Variants in GRK5 observed in about 807,000 individuals in gnomAD.
The protein encoded by GRK5 is G protein-coupled receptor kinase 5, also known as g protein-coupled receptor kinase GRK5.
Under a neutral mutation model 78.4 loss-of-function variants are expected in GRK5, and 40 were observed. The ratio of observed to expected loss-of-function variants is 0.51; its 90% CI spans 0.40 to 0.66. The LOEUF (loss-of-function observed/expected upper bound fraction) is 0.66. Among genes scored for constraint, GRK5 ranks in the 30% least tolerant of loss-of-function variants. The probability of loss-of-function intolerance (pLI) is 0.00; values close to 1 mark genes in which losing one functional copy is unlikely to be tolerated. For missense variants in GRK5, 598 were observed against 759.9 expected, an observed-to-expected ratio of 0.79 and a Z score of 2.50; for synonymous variants, 289 against 296.8, an observed-to-expected ratio of 0.97 and a Z score of 0.27.
rs541091530 is a variant in GRK5 at position 119,351,598 on chromosome 10, A to G, written c.148+24987A>G. On this transcript the variant is annotated intron_variant, in intron 2 of 15. Coordinates refer to ENST00000392870, the MANE Select transcript of GRK5 (RefSeq NM_005308.3). The stretch of plus-strand genomic sequence containing the variant: ...TTAAACCTCTTTTTCCTTATAAATT[A>G]CCCAGTCTCGGGTATGTCTTTATCA... Among the ~76,000 whole-genome samples, 5 of 152,172 alleles carry G rather than the reference A, an allele frequency of 3.3e-5. No individual in the cohort carries two copies. The South Asian group carries it at 1.0e-3, about 32-fold the overall frequency.
chr10:119,291,722 C>A (rs540310848), intron 1 of GRK5, among the ~76,000 whole-genome samples: 27 of 150,320 alleles, frequency 1.8e-4, no homozygotes, highest in Non-Finnish European at 3.7e-4. Flanking sequence ...TTATCCTCAT[C>A]CTCCTCCTTC....
At chr10:119,394,115 G>T (rs111068422) in intron 3 of GRK5, among the ~76,000 whole-genome samples, 9,825 of 132,688 alleles carry the variant, frequency 0.074, 439 homozygotes, top group East Asian at 0.23. Context: ...CTGTGTGGGG[G>T]GTGTGTGTGT....
intron 6 of GRK5, among the ~76,000 whole-genome samples, chr10:119,427,731 C>G (rs997721683): frequency 1.5e-5 from 2 of 135,322 alleles, no homozygotes; most frequent in Non-Finnish European, 3.0e-5. Context: ...TCACCACCAT[C>G]GTCAACATCA....
intron 2 of GRK5, among the ~76,000 whole-genome samples, chr10:119,363,898 T>A (rs1851403679): frequency 6.6e-6 from 1 of 152,198 alleles, no homozygotes; most frequent in Non-Finnish European, 1.5e-5. Flanking sequence ...GATGAACAGC[T>A]ATTGGGTGAC....
Position 119,336,820 on chromosome 10 carries a change from C to T in GRK5, c.148+10209C>T, listed in dbSNP as rs543988873. 3.9e-5 allele frequency among the ~76,000 whole-genome samples: 6 copies of T among 152,218 alleles called. No homozygotes were observed. Among genetic ancestry groups the T allele is most frequent in the South Asian group, 2.1e-4 (1 of 4,826 alleles). ...ACAGCATCTGCTTGTCCTTGGAGGG[C>T]GAAATAAATTTAGATGTGTCGGGTT... On this transcript the variant is annotated intron_variant, in intron 2 of 15. Coordinates refer to ENST00000392870, the MANE Select transcript of GRK5 (RefSeq NM_005308.3). The surrounding 1 kb of genome is among the most constrained non-coding windows in gnomAD (Gnocchi z 4.5).
rs34048341 is a variant in GRK5 at position 119,311,914 on chromosome 10, A to ACTTTTTTTT, written c.53-14602_53-14601insCTTTTTTTT. ...TGTACTGAATGCTACTGAATTGTTC[A>ACTTTTTTTT]TTTTTTTTTTTTTTTTTTTGAGACG... On this transcript the variant is annotated intron_variant, in intron 1 of 15. Coordinates refer to ENST00000392870, the MANE Select transcript of GRK5 (RefSeq NM_005308.3). Among the ~76,000 whole-genome samples the ACTTTTTTTT allele has an allele frequency of 1.5e-5, 2 of 137,814 alleles. 1 individual carries two copies. The allele number at this position is 137,814 out of a possible 152,430, so 90.4% of individuals were successfully genotyped here. A position where few individuals can be genotyped will look rare whatever the true frequency, so the allele number is the denominator to read the frequency against.
chr10:119,208,893 T>G (rs1848434320), intron 1 of GRK5, among the ~76,000 whole-genome samples: 1 of 152,182 alleles, frequency 6.6e-6, no homozygotes, highest in African/African-American at 2.4e-5. Context: ...ATACCTGGAA[T>G]TTATGTCGCA....
At chr10:119,370,612 T>TA (rs1330202398) in intron 2 of GRK5, among the ~76,000 whole-genome samples, 2 of 152,254 alleles carry the variant, frequency 1.3e-5, no homozygotes, top group African/African-American at 4.8e-5. Context: ...GCTCTGCTGT[T>TA]ATCCGTGATG....
At chr10:119,361,561 G>T (rs961073403) in intron 2 of GRK5, among the ~76,000 whole-genome samples, 1 of 152,184 alleles carries the variant, frequency 6.6e-6, no homozygotes, top group African/African-American at 2.4e-5. Context: ...TCAGCCAAGC[G>T]GATTTCAAAG....
chr10:119,315,089 G>C (rs1460511685), intron 1 of GRK5, among the ~76,000 whole-genome samples: 1 of 152,206 alleles, frequency 6.6e-6, no homozygotes, highest in Non-Finnish European at 1.5e-5. Context: ...TCTGCGCCCT[G>C]TCCTGGTGTA....
At chr10:119,268,424 T>C (rs1202700998) in intron 1 of GRK5, among the ~76,000 whole-genome samples, 1 of 152,224 alleles carries the variant, frequency 6.6e-6, no homozygotes, top group Non-Finnish European at 1.5e-5. Context: ...TCCTGATGTC[T>C]GAGGACCTGC....
chr10:119,380,713 C>G, intron 2 of GRK5, 102 bp from the exon 3 acceptor site: 3 of 676,312 alleles, frequency 4.4e-6, no homozygotes, highest in Non-Finnish European at 7.9e-6. Flanking sequence ...CAGTCACCTT[C>G]CTCCATCCAT....
chr10:119,371,225 C>T (rs1051056935), intron 2 of GRK5, among the ~76,000 whole-genome samples: 19 of 152,198 alleles, frequency 1.2e-4, no homozygotes, highest in Non-Finnish European at 2.5e-4. Context: ...CGCTCCCCGT[C>T]CCCAGGGATG....
intron 1 of GRK5, among the ~76,000 whole-genome samples, chr10:119,268,554 A>C (rs796500949): frequency 7.2e-5 from 11 of 152,284 alleles, no homozygotes; most frequent in African/African-American, 2.6e-4. Context: ...TTTGAGATTC[A>C]ATTAGGATGT....
intron 1 of GRK5, among the ~76,000 whole-genome samples, chr10:119,216,971 G>A (rs1848586052): frequency 1.3e-5 from 2 of 152,236 alleles, no homozygotes; most frequent in Non-Finnish European, 2.9e-5. Flanking sequence ...AATAAAAAAA[G>A]GGAGTCACTT....
chr10:119,340,672 T>C (rs1850967469), intron 2 of GRK5, among the ~76,000 whole-genome samples: 1 of 152,196 alleles, frequency 6.6e-6, no homozygotes, highest in Non-Finnish European at 1.5e-5. Flanking sequence ...AACCTGTGGG[T>C]TGTAGAATCC....
At chr10:119,329,294 G>A (rs956713010) in intron 2 of GRK5, among the ~76,000 whole-genome samples, 6 of 152,154 alleles carry the variant, frequency 3.9e-5, no homozygotes, top group Non-Finnish European at 5.9e-5. Flanking sequence ...GAGTAGATGC[G>A]GTGTTTCCTG....
chr10:119,257,488 C>G (rs10886433), intron 1 of GRK5, among the ~76,000 whole-genome samples: 20,023 of 152,202 alleles, frequency 0.13, 1,415 homozygotes, highest in Middle Eastern at 0.18. Context: ...CTTTGGAAGG[C>G]GGAGGTGGGT....
chr10:119,273,912 T>C (rs1384845995), intron 1 of GRK5, among the ~76,000 whole-genome samples: 1 of 152,200 alleles, frequency 6.6e-6, no homozygotes, highest in African/African-American at 2.4e-5. Context: ...TAGCTGGGAC[T>C]ACAGGCACAT....
Sources: allele counts gnomAD v4.1 joint callset (sites outside exome capture counted in the v4.1 genomes callset), GRCh38; gene constraint gnomAD v4.1.1; non-coding constraint Gnocchi (gnomAD v3.1); transcripts MANE v1.5; gene names NCBI Gene and HGNC (gene_info 2026-07-23, HGNC 2026-07-21).